Variants in PARD3B observed in about 807,000 individuals in gnomAD.
PARD3B encodes the protein par-3 family cell polarity regulator beta.
A neutral mutation model predicts 130.2 loss-of-function variants in PARD3B; 103 were observed. The observed-to-expected ratio is 0.79, with a 90% CI of 0.67 to 0.93. PARD3B has a LOEUF of 0.93. PARD3B is among the 40% of genes least tolerant of loss of function. The pLI, the probability that PARD3B is intolerant of heterozygous loss-of-function variation, is 0.00. For missense variants in PARD3B, 1,609 were observed against 1,499.2 expected, an observed-to-expected ratio of 1.07 and a Z score of -1.21; for synonymous variants, 583 against 553.2, an observed-to-expected ratio of 1.05 and a Z score of -0.76.
chr2:205,343,598 A>T lies in PARD3B; in HGVS notation c.2630+41897A>T, dbSNP rs75912182. On this transcript the variant is annotated intron_variant, in intron 18 of 22. Coordinates refer to ENST00000406610, the MANE Select transcript of PARD3B (RefSeq NM_001302769.2). ...ATGGTAACTTTAGGCAAGTAACATA[A>T]GCACTTTCTCTGACCATCTGTAAAA... Among the ~76,000 whole-genome samples the T allele has an allele frequency of 6.6e-3, 1,007 of 152,344 alleles. 75 individuals are homozygous for T. The East Asian group carries it at 0.17, about 26-fold the overall frequency.
At chr2:204,722,233 C>A (rs1449815745) in intron 2 of PARD3B, among the ~76,000 whole-genome samples, 1 of 152,152 alleles carries the variant, frequency 6.6e-6, no homozygotes, top group Non-Finnish European at 1.5e-5. Context: ...GAGTTAATTA[C>A]TTGTTAGAAA....
intron 2 of PARD3B, among the ~76,000 whole-genome samples, chr2:204,747,712 A>G (rs958462827): frequency 3.6e-4 from 55 of 152,194 alleles, no homozygotes; most frequent in Non-Finnish European, 1.5e-4. Context: ...ACAGCATGGT[A>G]CTGGTACCAA....
At chr2:205,345,069 A>G (rs1217832214) in intron 18 of PARD3B, among the ~76,000 whole-genome samples, 4 of 152,212 alleles carry the variant, frequency 2.6e-5, no homozygotes, top group Non-Finnish European at 5.9e-5. Context: ...AGAAAAAGTG[A>G]TATCTTTTCC....
In PARD3B at chr2:205,150,260, C is replaced by T. The variant is rs566200131; in HGVS notation, c.1435-8462C>T. Among the ~76,000 whole-genome samples the T allele has an allele frequency of 2.0e-4, 30 of 148,888 alleles. 1 individual carries two copies. Among genetic ancestry groups the T allele is most frequent in the Admixed American group, 7.4e-4 (11 of 14,942 alleles). ...GTGTGTGTGTGTGTGTGTGCACACA[C>T]GCTTGAAATCTGTGAGTGGAAAGAG... On this transcript the variant is annotated intron_variant, in intron 10 of 22. Coordinates refer to ENST00000406610, the MANE Select transcript of PARD3B (RefSeq NM_001302769.2).
chr2:204,686,579 T>C (rs2037097549), intron 2 of PARD3B, among the ~76,000 whole-genome samples: 1 of 152,216 alleles, frequency 6.6e-6, no homozygotes, highest in African/African-American at 2.4e-5. Flanking sequence ...TCATTGTCGT[T>C]GCTGGCTCTG....
chr2:204,774,159 A>G (rs2041511370), intron 2 of PARD3B, among the ~76,000 whole-genome samples: 1 of 150,992 alleles, frequency 6.6e-6, no homozygotes, highest in Non-Finnish European at 1.5e-5. Flanking sequence ...CCTTCCCTCA[A>G]TGACCCTGTC....
intron 20 of PARD3B, 41 bp from the exon 21 acceptor site, chr2:205,499,855 T>A (rs896494687): frequency 6.3e-7 from 1 of 1,584,732 alleles, no homozygotes; most frequent in African/African-American, 1.3e-5. Context: ...TCAAAGATGA[T>A]GTACACTGTG....
chr2:204,702,800 T>G (rs1287637276), intron 2 of PARD3B, among the ~76,000 whole-genome samples: 2 of 152,174 alleles, frequency 1.3e-5, no homozygotes, highest in Admixed American at 1.3e-4. Context: ...GGTTTCAAAC[T>G]CATGACCTCA....
intron 18 of PARD3B, chr2:205,347,822 G>C (rs1337996188): frequency 6.6e-6 from 1 of 152,186 alleles, no homozygotes; most frequent in Non-Finnish European, 1.5e-5. Flanking sequence ...TGTAAACAAA[G>C]GAAGCTTTTC....
intron 1 of PARD3B, among the ~76,000 whole-genome samples, chr2:204,613,077 A>G (rs1306847380): frequency 6.6e-6 from 1 of 151,922 alleles, no homozygotes; most frequent in African/African-American, 2.4e-5. Flanking sequence ...TGGTTTTATA[A>G]TGGTTTCATT....
intron 2 of PARD3B, among the ~76,000 whole-genome samples, chr2:204,939,560 T>C (rs1688739486): frequency 6.6e-6 from 1 of 152,192 alleles, no homozygotes; most frequent in Non-Finnish European, 1.5e-5. Flanking sequence ...GTGTTCTATT[T>C]TGGTATTTAG....
chr2:205,162,750 C>A (rs541573890), intron 11 of PARD3B, among the ~76,000 whole-genome samples: 1 of 152,108 alleles, frequency 6.6e-6, no homozygotes, highest in Non-Finnish European at 1.5e-5. Flanking sequence ...GAAAAAATAC[C>A]TTTCCCTAAA....
intron 4 of PARD3B, among the ~76,000 whole-genome samples, chr2:205,075,715 A>AT (rs943458122): frequency 1.3e-5 from 2 of 149,478 alleles, no homozygotes; most frequent in Admixed American, 6.7e-5. Context: ...TTTGATAGAC[A>AT]TTTTTTCTGA....
chr2:204,575,410 A>G (rs1008746980), intron 1 of PARD3B, among the ~76,000 whole-genome samples: 1 of 152,244 alleles, frequency 6.6e-6, no homozygotes, highest in African/African-American at 2.4e-5. Flanking sequence ...TAAATAGTTC[A>G]GAAAATATGA....
intron 20 of PARD3B, among the ~76,000 whole-genome samples, chr2:205,445,468 G>A (rs1429882435): frequency 2.0e-5 from 3 of 152,130 alleles, no homozygotes; most frequent in Non-Finnish European, 2.9e-5. Flanking sequence ...AAGGCAAAGG[G>A]GAAGCAGGCA....
chr2:205,305,708 C>T (rs939181195), intron 18 of PARD3B, among the ~76,000 whole-genome samples: 18 of 152,170 alleles, frequency 1.2e-4, no homozygotes, highest in African/African-American at 3.6e-4. Flanking sequence ...TAACACTGAG[C>T]AAGTTCTTTA....
chr2:205,404,535 T>C (rs1372331337), intron 19 of PARD3B, among the ~76,000 whole-genome samples: 6 of 152,218 alleles, frequency 3.9e-5, no homozygotes, highest in Non-Finnish European at 8.8e-5. Context: ...GCATTATATG[T>C]TGAACATTTT....
intron 2 of PARD3B, among the ~76,000 whole-genome samples, chr2:204,762,090 T>C (rs1275387200): frequency 6.6e-6 from 1 of 151,298 alleles, no homozygotes; most frequent in Non-Finnish European, 1.5e-5. Flanking sequence ...ATGATAAAGA[T>C]TTTCTTTTCT....
chr2:204,916,519 TAG>T (rs1269268052), intron 2 of PARD3B, among the ~76,000 whole-genome samples: 1 of 152,216 alleles, frequency 6.6e-6, no homozygotes, highest in Non-Finnish European at 1.5e-5. Flanking sequence ...TTAAATTCTA[TAG>T]AGATTTATTA....
Sources: gnomAD v4.1 joint callset for allele counts (sites outside exome capture counted in the v4.1 genomes callset) on GRCh38, gnomAD v4.1.1 for gene constraint, MANE v1.5 for transcripts, NCBI Gene and HGNC (gene_info 2026-07-23, HGNC 2026-07-21) for gene names.